Variants in CACNG3 observed in about 807,000 individuals in gnomAD.
The protein encoded by CACNG3 is calcium voltage-gated channel auxiliary subunit gamma 3.
CACNG3 carries 3 observed loss-of-function variants against 28.5 expected under a neutral mutation model. That is an observed-to-expected ratio of 0.11 (90% CI 0.05 to 0.27). CACNG3 has a LOEUF of 0.27. Ranked by LOEUF, CACNG3 falls within the 10% of genes least tolerant of loss-of-function variation. The probability of loss-of-function intolerance (pLI) is 1.00; values close to 1 mark genes in which losing one functional copy is unlikely to be tolerated. For synonymous variants in CACNG3, 174 were observed against 162.2 expected (o/e 1.07, Z -0.55); for missense variants, 236 against 414.4 (o/e 0.57, Z 3.74).
chr16:24,316,976 T>C (rs1301587081), intron 1 of CACNG3, among the ~76,000 whole-genome samples: 1 of 152,146 alleles, frequency 6.6e-6, no homozygotes, highest in Non-Finnish European at 1.5e-5. Context: ...GCGAATCACA[T>C]AGCAGGGAGA....
intron 1 of CACNG3, among the ~76,000 whole-genome samples, chr16:24,277,214 C>T (rs1186038832): frequency 6.6e-6 from 1 of 152,158 alleles, no homozygotes; most frequent in East Asian, 1.9e-4. Context: ...GAACTGACTC[C>T]AGCCTAGCAG....
At chr16:24,297,409 A>T (rs915678429) in intron 1 of CACNG3, among the ~76,000 whole-genome samples, 2 of 152,140 alleles carry the variant, frequency 1.3e-5, no homozygotes, top group Non-Finnish European at 2.9e-5. Context: ...TGGGGTGAGA[A>T]CTGGTGTGCT....
At position 24,346,789 on chromosome 16, in the gene CACNG3, C is replaced by T. The variant is rs368528326; in HGVS notation, c.267C>T (p.Tyr89=). ...KIDHFPEDAD[Y]EQDTAEYLLR... ...ATCACTTCCCTGAAGATGCTGACTACGAACAGGACACAGCCGAATATCTCC... is the reference window on the plus strand; with the variant it reads ...ATCACTTCCCTGAAGATGCTGACTATGAACAGGACACAGCCGAATATCTCC... The change falls in exon 2 of 4, where the codon TAC becomes TAT. Residue 89 remains tyrosine, a synonymous_variant. Coordinates refer to ENST00000005284, the MANE Select transcript of CACNG3 (RefSeq NM_006539.4). 2.9e-5 allele frequency: 46 copies of T among 1,613,976 alleles called. No individual in the cohort carries two copies. Among genetic ancestry groups the T allele is most frequent in the African/African-American group, 1.9e-4 (14 of 74,928 alleles).
chr16:24,309,043 C>G (rs1469790246), intron 1 of CACNG3, among the ~76,000 whole-genome samples: 2 of 152,040 alleles, frequency 1.3e-5, no homozygotes, highest in African/African-American at 4.8e-5. Flanking sequence ...AACTAAGACA[C>G]AGATGTGTCA....
intron 1 of CACNG3, among the ~76,000 whole-genome samples, chr16:24,266,553 G>C (rs566047320): frequency 1.3e-5 from 2 of 152,166 alleles, no homozygotes; most frequent in African/African-American, 4.8e-5. Context: ...GAGGGAAAAC[G>C]ATACCCTAAG....
intron 1 of CACNG3, among the ~76,000 whole-genome samples, chr16:24,297,732 G>C (rs75353966): frequency 5.3e-5 from 8 of 152,216 alleles, no homozygotes; most frequent in African/African-American, 1.9e-4. Flanking sequence ...GATGGATGGG[G>C]AGGGGGTGCT....
Position 24,294,983 on chromosome 16 carries a change from TGTAAGGTA to T in CACNG3, c.211+38020_211+38027del, listed in dbSNP as rs1254175527. On this transcript the variant is annotated intron_variant, in intron 1 of 3. Coordinates refer to ENST00000005284, the MANE Select transcript of CACNG3 (RefSeq NM_006539.4). ...ATGTCAAGCACTGCAGATAGAGTGG[TGTAAGGTA>T]GGCATGGTAACTGCCCTCACATGCA... 2.0e-5 allele frequency among the ~76,000 whole-genome samples: 3 copies of T among 152,278 alleles called. No individual in the cohort carries two copies. The East Asian group carries it at 5.8e-4, about 29-fold the overall frequency.
At chr16:24,356,852 C>A (rs1255003568) in intron 3 of CACNG3, among the ~76,000 whole-genome samples, 5 of 152,144 alleles carry the variant, frequency 3.3e-5, no homozygotes, top group Admixed American at 1.3e-4. Flanking sequence ...CACAGTTCCA[C>A]ATGGTTGAGG....
chr16:24,287,390 C>T (rs1567210693), intron 1 of CACNG3, among the ~76,000 whole-genome samples: 1 of 151,722 alleles, frequency 6.6e-6, no homozygotes, highest in Non-Finnish European at 1.5e-5. Flanking sequence ...TGGTGGCACT[C>T]ACCTGTAGTC....
chr16:24,274,932 C>T (rs979958449), intron 1 of CACNG3, among the ~76,000 whole-genome samples: 5 of 152,126 alleles, frequency 3.3e-5, no homozygotes, highest in African/African-American at 4.8e-5. Context: ...TATTTTAAAT[C>T]GGAAAACCGC....
At chr16:24,338,231 G>A (rs942997010) in intron 1 of CACNG3, among the ~76,000 whole-genome samples, 1 of 152,032 alleles carries the variant, frequency 6.6e-6, no homozygotes, top group Non-Finnish European at 1.5e-5. Context: ...TCAGGTCTGA[G>A]CTCAAGTGTC....
chr16:24,316,446 C>CTCTT (rs1555460483), intron 1 of CACNG3, among the ~76,000 whole-genome samples: 3 of 152,016 alleles, frequency 2.0e-5, no homozygotes, highest in African/African-American at 7.3e-5. Flanking sequence ...AAAGTGGACT[C>CTCTT]TGTGAGTCTG....
intron 2 of CACNG3, among the ~76,000 whole-genome samples, chr16:24,352,112 C>G (rs757968079): frequency 2.0e-5 from 3 of 152,080 alleles, no homozygotes; most frequent in Non-Finnish European, 2.9e-5. Flanking sequence ...CCTAGGCCCA[C>G]AGGTTAAATA....
chr16:24,313,869 C>T (rs1478238937), intron 1 of CACNG3, among the ~76,000 whole-genome samples: 6 of 151,980 alleles, frequency 3.9e-5, no homozygotes, highest in Admixed American at 2.6e-4. Flanking sequence ...CTCAGCCTCC[C>T]GAGTAGCTGG....
At chr16:24,332,688 G>T (rs776873057) in intron 1 of CACNG3, among the ~76,000 whole-genome samples, 3 of 152,084 alleles carry the variant, frequency 2.0e-5, no homozygotes, top group Non-Finnish European at 4.4e-5. Context: ...CCCTGTGTGC[G>T]CAAGGTTGCA....
intron 2 of CACNG3, among the ~76,000 whole-genome samples, chr16:24,350,086 C>T (rs984520977): frequency 2.0e-5 from 3 of 152,178 alleles, no homozygotes; most frequent in African/African-American, 7.2e-5. Flanking sequence ...TGATCTGAAG[C>T]CACCATATGT....
intron 1 of CACNG3, among the ~76,000 whole-genome samples, chr16:24,325,745 A>G (rs1014164414): frequency 2.0e-5 from 3 of 152,244 alleles, no homozygotes; most frequent in African/African-American, 7.2e-5. Flanking sequence ...TGAGTTGCTC[A>G]GGTTTGCAGA....
intron 1 of CACNG3, among the ~76,000 whole-genome samples, chr16:24,338,665 A>C (rs1204670579): frequency 6.6e-6 from 1 of 152,054 alleles, no homozygotes; most frequent in Non-Finnish European, 1.5e-5. Flanking sequence ...GTATCTTTCA[A>C]AGCTCGGTTA....
At chr16:24,264,474 C>A (rs1315247158) in intron 1 of CACNG3, among the ~76,000 whole-genome samples, 3 of 152,148 alleles carry the variant, frequency 2.0e-5, no homozygotes, top group Admixed American at 2.0e-4. Context: ...AGGAAGGTAC[C>A]ATAGGACCCT....
Sources: allele counts gnomAD v4.1 joint callset (sites outside exome capture counted in the v4.1 genomes callset), GRCh38; gene constraint gnomAD v4.1.1; transcripts MANE v1.5; gene names NCBI Gene and HGNC (gene_info 2026-07-23, HGNC 2026-07-21).